DNAH6: variants seen among roughly 807,000 people sequenced by gnomAD.
The protein encoded by DNAH6 is dynein axonemal heavy chain 6.
Under a neutral mutation model 491.4 loss-of-function variants are expected in DNAH6, and 340 were observed. That is an observed-to-expected ratio of 0.69 (90% confidence interval 0.63 to 0.76). The LOEUF is 0.76. Among genes scored for constraint, DNAH6 ranks in the 30% least tolerant of loss-of-function variants. The probability of loss-of-function intolerance (pLI) is 0.00; values close to 1 mark genes in which losing one functional copy is unlikely to be tolerated. For missense variants in DNAH6, 4,443 were observed against 4,972.2 expected (o/e 0.89, Z 3.20); for synonymous variants, 1,603 against 1,686.1 (o/e 0.95, Z 1.21).
intron 37 of DNAH6, among the ~76,000 whole-genome samples, chr2:84,668,885 C>T (rs1237714936): frequency 6.8e-6 from 1 of 148,144 alleles, no homozygotes; most frequent in African/African-American, 2.5e-5. Context: ...CTTTAGAGCC[C>T]TTATTTCCCC....
chr2:84,532,712 A>G (rs962661150), intron 4 of DNAH6, among the ~76,000 whole-genome samples: 1 of 152,168 alleles, frequency 6.6e-6, no homozygotes, highest in Non-Finnish European at 1.5e-5. Flanking sequence ...AATGCTTCTC[A>G]GTATAGAACT....
Position 84,699,684 on chromosome 2 carries a change from A to G in DNAH6, c.7768A>G (p.Arg2590Gly). The change falls in exon 48 of 77, where the codon AGG becomes GGG. Residue 2590 changes from arginine to glycine, a missense_variant. Around this residue, in one of 3 missense-constraint regions of DNAH6, gnomAD observed 2,977 missense variants for 3,296.6 expected, o/e 0.90. Coordinates refer to ENST00000389394, the MANE Select transcript of DNAH6 (RefSeq NM_001370.2). The stretch of plus-strand genomic sequence containing the variant: ...TGGGGAGGCCTTTCGGTCCCGATGC[A>G]GGATGTTTCCATCCCTTGTGAATTG... ...PVGEAFRSRC[R>G]MFPSLVNCCT... is the part of the protein sequence containing the mutation. The G allele has an allele frequency of 6.4e-7, 1 of 1,551,774 alleles. No individual in the cohort carries two copies. Among genetic ancestry groups the G allele is most frequent in the Non-Finnish European group, 8.7e-7 (1 of 1,147,002 alleles).
the DNAH6 span, among the ~76,000 whole-genome samples, chr2:84,484,729 T>G: frequency 6.6e-6 from 1 of 152,154 alleles, no homozygotes; most frequent in African/African-American, 2.4e-5. Context: ...TGATATAATC[T>G]CCTCATCTTG....
chr2:84,634,602 G>A lies in DNAH6; in HGVS notation c.4614G>A (p.Ala1538=), dbSNP rs368207170. The change falls in exon 30 of 77, where the codon GCG becomes GCA. Residue 1538 remains alanine (A), a synonymous_variant. Coordinates refer to ENST00000389394, the MANE Select transcript of DNAH6 (RefSeq NM_001370.2). ...ACATAGAAGTTCTGTCCGTCATCGC[G>A]CAGCAACTCATTACCATTAGGAACG... ...RIDIEVLSVI[A]QQLITIRNAK... 6.6e-5 allele frequency: 102 copies of A among 1,548,440 alleles called. 1 individual carries two copies. In the African/African-American group the frequency reaches 1.0e-3, roughly 16 times the overall value.
At chr2:84,588,630 T>C (rs1319043934) in intron 15 of DNAH6, among the ~76,000 whole-genome samples, 196 bp from the exon 16 acceptor site, 2 of 152,244 alleles carry the variant, frequency 1.3e-5, no homozygotes, top group African/African-American at 4.8e-5. Context: ...CATGGCACTT[T>C]ATATAAATGT....
the DNAH6 span, among the ~76,000 whole-genome samples, chr2:84,485,218 G>A: frequency 6.6e-6 from 1 of 152,166 alleles, no homozygotes; most frequent in Admixed American, 6.5e-5. Flanking sequence ...TGGGGGGTTT[G>A]TATGTAGGTG....
At chr2:84,814,243 G>A in intron 75 of DNAH6, 121 bp downstream of exon 75, 1 of 1,035,392 alleles carries the variant, frequency 9.7e-7, no homozygotes. Flanking sequence ...GGAAGGGCAG[G>A]GTAGTAATCA....
chr2:84,621,175 T>C lies in DNAH6; in HGVS notation c.3793-16T>C. The C allele has an allele frequency of 6.4e-7, 1 of 1,551,046 alleles. No homozygotes were observed. Among genetic ancestry groups the C allele is most frequent in the Non-Finnish European group, 8.7e-7 (1 of 1,146,688 alleles). ...CCCACACAAGCCACTTTATCAATGC[T>C]CTGATTACCTTTTAGGTTAGCTTGG... On this transcript the variant is annotated splice_polypyrimidine_tract_variant and intron_variant, in intron 24 of 76. Transcript: ENST00000389394.
intron 63 of DNAH6, among the ~76,000 whole-genome samples, chr2:84,758,810 G>A (rs1674297738): frequency 6.6e-6 from 1 of 152,096 alleles, no homozygotes; most frequent in Admixed American, 6.6e-5. Context: ...CAAAGCCCAT[G>A]TAAGATAACC....
At chr2:84,758,651 A>G (rs1674283262) in intron 63 of DNAH6, among the ~76,000 whole-genome samples, 1 of 152,246 alleles carries the variant, frequency 6.6e-6, no homozygotes, top group Non-Finnish European at 1.5e-5. Flanking sequence ...ATGCAAATCA[A>G]TAAATGTGAT....
chr2:84,621,636 C>T, intron 26 of DNAH6, 85 bp downstream of exon 26: 3 of 699,336 alleles, frequency 4.3e-6, no homozygotes, highest in East Asian at 2.8e-5. Flanking sequence ...TGCAAATTCA[C>T]TTTATTTCAG....
chr2:84,746,908 G>A (rs1573683150), intron 63 of DNAH6, among the ~76,000 whole-genome samples: 1 of 152,152 alleles, frequency 6.6e-6, no homozygotes, highest in Non-Finnish European at 1.5e-5. Flanking sequence ...AAGAAAGAGG[G>A]GAGGGAGACA....
chr2:84,712,985 A>C, intron 56 of DNAH6, 110 bp from the exon 57 acceptor site: 1 of 917,174 alleles, frequency 1.1e-6, no homozygotes, highest in Non-Finnish European at 1.6e-6. Context: ...AGATCACTGG[A>C]AAATTATTCA....
chr2:84,461,189 T>A, the DNAH6 span, among the ~76,000 whole-genome samples: 1 of 152,230 alleles, frequency 6.6e-6, no homozygotes, highest in African/African-American at 2.4e-5. Context: ...AAGAAGTTAA[T>A]CACTTATGTC....
chr2:84,614,895 G>T (rs562571327), intron 22 of DNAH6, among the ~76,000 whole-genome samples: 20 of 152,036 alleles, frequency 1.3e-4, no homozygotes, highest in African/African-American at 4.3e-4. Flanking sequence ...TTGCTGATTT[G>T]AGTTCCTTGC....
intron 9 of DNAH6, 149 bp downstream of exon 9, chr2:84,550,206 A>G (rs1158185904): frequency 6.2e-6 from 4 of 646,436 alleles, no homozygotes; most frequent in Non-Finnish European, 1.0e-5. Context: ...GACACCAGAG[A>G]CCAGTTTCAT....
intron 4 of DNAH6, among the ~76,000 whole-genome samples, chr2:84,540,878 A>G (rs942185156): frequency 3.3e-5 from 5 of 152,194 alleles, no homozygotes; most frequent in South Asian, 2.1e-4. Flanking sequence ...ATAGTTAAAT[A>G]TAATTTTATT....
intron 48 of DNAH6, 34 bp downstream of exon 48, chr2:84,699,768 T>G: frequency 1.3e-6 from 2 of 1,543,844 alleles, no homozygotes; most frequent in Non-Finnish European, 1.8e-6. Context: ...CTTTGAGAAG[T>G]TGGACTTGCT....
intron 61 of DNAH6, among the ~76,000 whole-genome samples, chr2:84,728,348 C>T (rs1698833477): frequency 6.6e-6 from 1 of 152,242 alleles, no homozygotes; most frequent in African/African-American, 2.4e-5. Context: ...TACCAGTGCT[C>T]TGTGGTGACT....
Sources: gnomAD v4.1 joint callset for allele counts (sites outside exome capture counted in the v4.1 genomes callset) on GRCh38, gnomAD v4.1.1 for gene constraint, gnomAD v4.1.1 regional missense constraint, MANE v1.5 for transcripts, NCBI Gene and HGNC (gene_info 2026-07-23, HGNC 2026-07-21) for gene names.